The following BACH2 variants were observed in gnomAD, a reference collection of about 807,000 sequenced individuals.
The protein encoded by BACH2 is BACH transcriptional regulator 2.
BACH2 carries 5 observed loss-of-function variants against 61.8 expected under a neutral mutation model. That is an observed-to-expected ratio of 0.08 (90% CI 0.04 to 0.17). BACH2 has a LOEUF of 0.17. Ranked by LOEUF, BACH2 falls within the 10% of genes least tolerant of loss-of-function variation. The probability of loss-of-function intolerance (pLI) is 1.00; values close to 1 mark genes in which losing one functional copy is unlikely to be tolerated. For synonymous variants in BACH2, 446 were observed against 440.1 expected (o/e 1.01, Z -0.17); for missense variants, 824 against 1,091.1 (o/e 0.76, Z 3.45).
At chr6:90,074,943 A>C (rs2127802661) in intron 5 of BACH2, among the ~76,000 whole-genome samples, 1 of 152,250 alleles carries the variant, frequency 6.6e-6, no homozygotes, top group Middle Eastern at 3.4e-3. Context: ...GAACAAAGGA[A>C]CCTCTACAGA....
At chr6:90,214,360 G>T (rs192545161) in intron 3 of BACH2, among the ~76,000 whole-genome samples, 1 of 151,178 alleles carries the variant, frequency 6.6e-6, no homozygotes, top group East Asian at 2.0e-4. Flanking sequence ...GGCGGGGCGG[G>T]GGGAGGGGGT....
intron 3 of BACH2, among the ~76,000 whole-genome samples, chr6:90,237,081 G>T (rs1352504634): frequency 6.6e-6 from 1 of 151,938 alleles, no homozygotes; most frequent in Non-Finnish European, 1.5e-5. Context: ...CTGCCACCAC[G>T]CCCGGCTAAT....
rs183263681 is a variant in BACH2 at position 90,088,741 on chromosome 6, A to G, written c.-13+220T>C. On this transcript the variant is annotated intron_variant, in intron 5 of 8. Transcript: ENST00000257749. Reference sequence around the variant, plus strand: ...TTGAGGCCCAGCAAGCTGTACTTCAACAAGCCCTCCAGGTGATTCTGATTC... The same window carrying G: ...TTGAGGCCCAGCAAGCTGTACTTCAGCAAGCCCTCCAGGTGATTCTGATTC... Among the ~76,000 whole-genome samples, 20 of 152,236 alleles carry G rather than the reference A, an allele frequency of 1.3e-4. No individual in the cohort carries two copies. In the East Asian group the frequency reaches 3.9e-3, roughly 29 times the overall value.
chr6:90,025,486 C>T (rs1778589447), intron 5 of BACH2, among the ~76,000 whole-genome samples: 1 of 152,170 alleles, frequency 6.6e-6, no homozygotes, highest in South Asian at 2.1e-4. Flanking sequence ...TCTCTGCTTC[C>T]TATTAGCATG....
intron 5 of BACH2, among the ~76,000 whole-genome samples, chr6:90,031,840 A>G (rs930583338): frequency 2.0e-5 from 3 of 152,346 alleles, no homozygotes; most frequent in African/African-American, 7.2e-5. Flanking sequence ...TCTTCACAGA[A>G]TTGGAAAAAA....
intron 1 of BACH2, among the ~76,000 whole-genome samples, chr6:90,296,063 G>C (rs2127897334): frequency 6.6e-6 from 1 of 152,170 alleles, no homozygotes; most frequent in Non-Finnish European, 1.5e-5. Context: ...CGCCGGGCCG[G>C]GGGCAGGGCC....
chr6:90,211,424 C>T (rs895689936), intron 3 of BACH2, among the ~76,000 whole-genome samples: 2 of 152,042 alleles, frequency 1.3e-5, no homozygotes, highest in Admixed American at 6.6e-5. Flanking sequence ...AAACACCAGG[C>T]GTACCTGATT....
chr6:90,292,539 TTC>T (rs1772211512), intron 1 of BACH2, among the ~76,000 whole-genome samples: 2 of 152,232 alleles, frequency 1.3e-5, no homozygotes, highest in Non-Finnish European at 2.9e-5. Context: ...TCATGTCGAA[TTC>T]TCTGTTAAAA....
intron 5 of BACH2, among the ~76,000 whole-genome samples, chr6:90,086,070 T>C (rs1450478499): frequency 6.6e-6 from 1 of 152,118 alleles, no homozygotes; most frequent in African/African-American, 2.4e-5. Flanking sequence ...CTCATATAAA[T>C]GAGATATTTA....
In BACH2 at chr6:90,032,414, C is replaced by G. The variant is rs1309304409; in HGVS notation, c.-12-23558G>C. ...CAAAAGAAACTACCATCAGAGTGAA[C>G]AGGCAACCTACAGAATTGGAGGAAA... On this transcript the variant is annotated intron_variant, in intron 5 of 8. Transcript: ENST00000257749. 1.7e-5 allele frequency among the ~76,000 whole-genome samples: 2 copies of G among 119,004 alleles called. 1 individual carries two copies. The allele number at this position is 119,004 out of a possible 152,430, so 78.1% of individuals were successfully genotyped here.
At chr6:90,193,485 C>A (rs1196727658) in intron 4 of BACH2, among the ~76,000 whole-genome samples, 1 of 152,172 alleles carries the variant, frequency 6.6e-6, no homozygotes, top group Non-Finnish European at 1.5e-5. Context: ...ACCCTGCTGA[C>A]ACCTTGATCT....
intron 1 of BACH2, among the ~76,000 whole-genome samples, chr6:90,296,228 C>G (rs1562548740): frequency 1.3e-5 from 2 of 152,110 alleles, no homozygotes; most frequent in African/African-American, 4.8e-5. Flanking sequence ...CCGCCGTAAA[C>G]AGCCGGGAGG....
chr6:89,984,088 T>C (rs1463554851), intron 6 of BACH2, among the ~76,000 whole-genome samples: 3 of 152,088 alleles, frequency 2.0e-5, no homozygotes, highest in Non-Finnish European at 2.9e-5. Context: ...TCAAGGCTCG[T>C]TTAAATCAGG....
In BACH2 at chr6:89,938,228, G is replaced by A. The variant is rs756791512; in HGVS notation, c.1959C>T (p.Arg653=). The A allele has an allele frequency of 6.2e-7, 1 of 1,614,236 alleles. No homozygotes were observed. Among genetic ancestry groups the A allele is most frequent in the South Asian group, 1.1e-5 (1 of 91,088 alleles). Residue 653 remains arginine, a synonymous_variant, in exon 8 of 9, where the codon CGC becomes CGT. Transcript: ENST00000257749. The stretch of plus-strand genomic sequence containing the variant: ...GCTGGGCCGCGATGCGGTTCTTGCT[G>A]CGCCGTCGGACATCATGAATAAACT... ...QLEFIHDVRR[R]SKNRIAAQRC...
intron 6 of BACH2, among the ~76,000 whole-genome samples, chr6:89,974,635 A>G (rs887753411): frequency 6.6e-6 from 1 of 152,206 alleles, no homozygotes; most frequent in Non-Finnish European, 1.5e-5. Context: ...CAAAGTTGAT[A>G]CGTAAAAATT....
At chr6:90,278,492 A>T (rs1771762169) in intron 1 of BACH2, among the ~76,000 whole-genome samples, 1 of 152,240 alleles carries the variant, frequency 6.6e-6, no homozygotes, top group South Asian at 2.1e-4. Flanking sequence ...AGCATTGAAC[A>T]GCTATGTATC....
At chr6:90,181,552 A>G (rs529778793) in intron 4 of BACH2, among the ~76,000 whole-genome samples, 13 of 152,204 alleles carry the variant, frequency 8.5e-5, no homozygotes, top group African/African-American at 3.1e-4. Flanking sequence ...GTACAGCTAT[A>G]TAATATTACA....
At chr6:90,248,684 C>G (rs927118273) in intron 3 of BACH2, among the ~76,000 whole-genome samples, 1 of 152,134 alleles carries the variant, frequency 6.6e-6, no homozygotes, top group African/African-American at 2.4e-5. Context: ...GCCTGGTGCA[C>G]CTGGTCACAG....
chr6:90,086,451 C>A (rs1781936084), intron 5 of BACH2, among the ~76,000 whole-genome samples: 1 of 152,078 alleles, frequency 6.6e-6, no homozygotes, highest in Non-Finnish European at 1.5e-5. Context: ...TGCACTTTAT[C>A]ATAAAGAGCA....
Sources: gnomAD v4.1 joint callset for allele counts (sites outside exome capture counted in the v4.1 genomes callset) on GRCh38, gnomAD v4.1.1 for gene constraint, MANE v1.5 for transcripts, NCBI Gene and HGNC (gene_info 2026-07-23, HGNC 2026-07-21) for gene names.